PUM1: variants seen among roughly 807,000 people sequenced by gnomAD.
PUM1 encodes the protein pumilio RNA binding family member 1.
In PUM1, 13 loss-of-function variants were observed where a neutral mutation model predicts 131.8. The observed-to-expected ratio is 0.10, with a 90% CI of 0.06 to 0.16. The LOEUF is 0.16. Among genes scored for constraint, PUM1 ranks in the 10% least tolerant of loss-of-function variants. PUM1 has a pLI of 1.00. For synonymous variants in PUM1, 509 were observed against 556.5 expected (o/e 0.91, Z 1.20); for missense variants, 961 against 1,512.4 (o/e 0.64, Z 6.05).
chr1:30,973,195 C>G (rs1011906531), intron 10 of PUM1: 1 of 151,258 alleles, frequency 6.6e-6, no homozygotes, highest in African/African-American at 2.5e-5. Flanking sequence ...TTAATAGTGT[C>G]CAAATAACGG....
intron 2 of PUM1, among the ~76,000 whole-genome samples, chr1:31,032,259 T>A (rs1401877271): frequency 6.6e-6 from 1 of 152,176 alleles, no homozygotes; most frequent in East Asian, 1.9e-4. Flanking sequence ...AAATTCTTCC[T>A]AGGAAACAAA....
At chr1:31,019,529 A>G (rs1185516459) in intron 3 of PUM1, among the ~76,000 whole-genome samples, 1 of 152,220 alleles carries the variant, frequency 6.6e-6, no homozygotes. Context: ...AAGCACATCA[A>G]AAGATATCAT....
chr1:31,045,943 G>A (rs184256389), intron 2 of PUM1, among the ~76,000 whole-genome samples: 5 of 152,270 alleles, frequency 3.3e-5, no homozygotes, highest in Non-Finnish European at 4.4e-5. Flanking sequence ...TTAGCTGGAC[G>A]TGGTGGTGCA....
intron 7 of PUM1, among the ~76,000 whole-genome samples, chr1:30,985,237 A>G (rs72657293): frequency 0.073 from 11,076 of 152,214 alleles, 659 homozygotes; most frequent in East Asian, 0.29. Flanking sequence ...TTTCTGATGA[A>G]TGGGGAGAGC....
intron 20 of PUM1, 59 bp from the exon 21 acceptor site, chr1:30,936,894 G>C: frequency 7.0e-7 from 1 of 1,433,876 alleles, no homozygotes; most frequent in Non-Finnish European, 9.6e-7. Flanking sequence ...TAGTGAGGCT[G>C]TGCTTGCCTA....
chr1:30,969,407 C>T (rs541456092), intron 10 of PUM1, among the ~76,000 whole-genome samples: 1 of 150,758 alleles, frequency 6.6e-6, no homozygotes, highest in African/African-American at 2.4e-5. Flanking sequence ...TTTACCCACA[C>T]ATTTAAAGTC....
chr1:31,002,376 C>G (rs1183104163), intron 5 of PUM1, among the ~76,000 whole-genome samples: 2 of 152,158 alleles, frequency 1.3e-5, no homozygotes, highest in Non-Finnish European at 2.9e-5. Flanking sequence ...AAAAATCTTT[C>G]TTCTGTGAGG....
At chr1:31,044,718 C>G (rs7514008) in intron 2 of PUM1, among the ~76,000 whole-genome samples, 12,320 of 152,198 alleles carry the variant, frequency 0.081, 749 homozygotes, top group East Asian at 0.3. Context: ...GCTCTTGTCC[C>G]CCAGGCTGGA....
intron 1 of PUM1, among the ~76,000 whole-genome samples, chr1:31,063,164 C>T (rs963571204): frequency 2.0e-5 from 3 of 152,096 alleles, no homozygotes; most frequent in African/African-American, 7.2e-5. Flanking sequence ...AAGGAAATCT[C>T]GACCTAACAA....
chr1:31,059,663 T>C lies in PUM1; in HGVS notation c.-11-86A>G, dbSNP rs769434270. Reference sequence around the variant, plus strand: ...AAGATAAAAACATGAACCCCATGTCTTTTACAATAAATAAATGTCGTTGGT... The same window carrying C: ...AAGATAAAAACATGAACCCCATGTCCTTTACAATAAATAAATGTCGTTGGT... On this transcript the variant is annotated intron_variant, in intron 1 of 21. Transcript: ENST00000426105. 1.1e-4 allele frequency: 153 copies of C among 1,446,888 alleles called. No homozygotes were observed. The Middle Eastern group carries it at 3.3e-3, about 31-fold the overall frequency. The allele number at this position is 1,446,888 out of a possible 1,614,324, so 89.6% of individuals were successfully genotyped here.
intron 7 of PUM1, among the ~76,000 whole-genome samples, chr1:30,990,447 T>A (rs563569101): frequency 7.9e-5 from 12 of 152,056 alleles, no homozygotes; most frequent in African/African-American, 2.9e-4. Context: ...CCTTGACAAA[T>A]GAGGTGGACG....
intron 18 of PUM1, 128 bp downstream of exon 18, chr1:30,945,218 A>T: frequency 9.4e-7 from 1 of 1,059,234 alleles, no homozygotes; most frequent in Non-Finnish European, 1.4e-6. Flanking sequence ...TGGGCAACAG[A>T]GTGGGATCCA....
At chr1:31,062,418 C>A (rs1424178117) in intron 1 of PUM1, among the ~76,000 whole-genome samples, 1 of 152,030 alleles carries the variant, frequency 6.6e-6, no homozygotes, top group African/African-American at 2.4e-5. Context: ...GTCAGAATTC[C>A]AGACCAGCCT....
chr1:30,982,895 C>T (rs1641406916), intron 7 of PUM1, among the ~76,000 whole-genome samples: 1 of 152,146 alleles, frequency 6.6e-6, no homozygotes, highest in Non-Finnish European at 1.5e-5. Flanking sequence ...TCAAAAGTAA[C>T]CATGCACAGA....
Position 30,933,206 on chromosome 1 carries a change from C to A in PUM1, c.*5G>T. The A allele has an allele frequency of 6.2e-7, 1 of 1,604,832 alleles. No homozygotes were observed. Among genetic ancestry groups the A allele is most frequent in the Non-Finnish European group, 8.5e-7 (1 of 1,175,656 alleles). On this transcript the variant is annotated 3_prime_UTR_variant, in exon 22 of 22. Coordinates refer to ENST00000426105, the MANE Select transcript of PUM1 (RefSeq NM_001020658.2). ...GGGAATGAGGGAACAGCGGGTGACA[C>A]TGCCTCAGATGATACCATTAGGGGG...
At chr1:30,968,243 A>T in intron 11 of PUM1, 111 bp downstream of exon 11, 2 of 1,476,198 alleles carry the variant, frequency 1.4e-6, no homozygotes, top group Non-Finnish European at 1.9e-6. Flanking sequence ...CAGTCCCCAA[A>T]TCATGACAAG....
intron 10 of PUM1, among the ~76,000 whole-genome samples, chr1:30,969,640 T>C (rs1640791462): frequency 1.4e-5 from 2 of 147,620 alleles, no homozygotes; most frequent in Non-Finnish European, 3.0e-5. Flanking sequence ...AGGATCTACT[T>C]TTTTTTTTTT....
chr1:31,030,345 T>G (rs1557594425), intron 2 of PUM1, among the ~76,000 whole-genome samples: 1 of 152,142 alleles, frequency 6.6e-6, no homozygotes, highest in African/African-American at 2.4e-5. Flanking sequence ...GTTTACAATT[T>G]CTACCACTGG....
intron 21 of PUM1, chr1:30,935,596 C>G: frequency 2.2e-6 from 1 of 451,820 alleles, no homozygotes; most frequent in South Asian, 1.5e-5. Flanking sequence ...ACTTTAAGAA[C>G]CTGGGACTCC....
Sources: allele counts gnomAD v4.1 joint callset (sites outside exome capture counted in the v4.1 genomes callset), GRCh38; gene constraint gnomAD v4.1.1; transcripts MANE v1.5; gene names NCBI Gene and HGNC (gene_info 2026-07-23, HGNC 2026-07-21).